OSBPL10: variants seen among roughly 807,000 people sequenced by gnomAD.
OSBPL10 encodes oxysterol-binding protein-related protein 10.
A neutral mutation model predicts 81.7 loss-of-function variants in OSBPL10; 49 were observed. The observed-to-expected ratio is 0.60, with a 90% CI of 0.48 to 0.76. The LOEUF (loss-of-function observed/expected upper bound fraction) is 0.76, where lower values mean the gene tolerates loss of function less well. Ranked by LOEUF, OSBPL10 falls within the 30% of genes least tolerant of loss-of-function variation. OSBPL10 has a pLI of 0.00. For synonymous variants in OSBPL10, 419 were observed against 383.6 expected, an observed-to-expected ratio of 1.09 and a Z score of -1.08; for missense variants, 923 against 987.8, an observed-to-expected ratio of 0.93 and a Z score of 0.88.
intron 3 of OSBPL10, among the ~76,000 whole-genome samples, chr3:31,845,931 A>G (rs1343337278): frequency 6.6e-6 from 1 of 152,252 alleles, no homozygotes; most frequent in African/African-American, 2.4e-5. Flanking sequence ...TGGTCAAGAC[A>G]TGGAGAAGAT....
chr3:31,711,740 T>C lies in OSBPL10; in HGVS notation c.1096-9232A>G, dbSNP rs570443574. 2.8e-4 allele frequency among the ~76,000 whole-genome samples: 42 copies of C among 152,234 alleles called. 1 individual carries two copies. In the South Asian group the frequency reaches 8.1e-3, roughly 29 times the overall value. On this transcript the variant is annotated intron_variant, in intron 6 of 11. Coordinates refer to ENST00000396556, the MANE Select transcript of OSBPL10 (RefSeq NM_017784.5). ...CAGCTAAAGGGTCCAGGGCTTGTTT[T>C]TGAGGTGATGAAAATGTTCTAAAAT...
chr3:31,858,365 C>CA (rs971595956), intron 3 of OSBPL10, among the ~76,000 whole-genome samples: 3 of 152,032 alleles, frequency 2.0e-5, no homozygotes, highest in African/African-American at 7.2e-5. Context: ...TGCAGAAGCT[C>CA]AGTTTTTTAT....
intron 1 of OSBPL10, among the ~76,000 whole-genome samples, chr3:31,933,000 A>C (rs1464104971): frequency 6.6e-6 from 1 of 152,210 alleles, no homozygotes; most frequent in Non-Finnish European, 1.5e-5. Flanking sequence ...TTAAAAATAA[A>C]GTTTTCTAAA....
chr3:31,693,094 G>A (rs573021224), intron 7 of OSBPL10, among the ~76,000 whole-genome samples: 1 of 152,324 alleles, frequency 6.6e-6, no homozygotes, highest in South Asian at 2.1e-4. Context: ...ACAGTATACT[G>A]AAAACCAGAT....
intron 6 of OSBPL10, chr3:31,707,385 G>A (rs769296585): frequency 6.6e-6 from 1 of 152,170 alleles, no homozygotes; most frequent in Non-Finnish European, 1.5e-5. Flanking sequence ...AAACCTATAT[G>A]GCAAGGACAG....
intron 1 of OSBPL10, among the ~76,000 whole-genome samples, chr3:31,913,798 G>A (rs1303106682): frequency 2.6e-5 from 4 of 152,250 alleles, no homozygotes; most frequent in Non-Finnish European, 5.9e-5. Context: ...TCTATGCCCC[G>A]ATTCTGTCAT....
intron 2 of OSBPL10, among the ~76,000 whole-genome samples, 153 bp from the exon 3 acceptor site, chr3:31,876,665 G>A (rs1052280713): frequency 1.3e-5 from 2 of 152,212 alleles, no homozygotes; most frequent in East Asian, 3.9e-4. Flanking sequence ...ACGTTCTCAA[G>A]CGGCCTGTAC....
At chr3:31,965,828 A>AATATATAATATATATTATC (rs1559535383) in intron 1 of OSBPL10, among the ~76,000 whole-genome samples, 1 of 82,394 alleles carries the variant, frequency 1.2e-5, no homozygotes, top group Non-Finnish European at 2.0e-5. Context: ...TATTATATAA[A>AATATATAATATATATTATC]TATATAATAT....
At chr3:31,734,939 A>G (rs995222852) in intron 5 of OSBPL10, among the ~76,000 whole-genome samples, 1 of 152,338 alleles carries the variant, frequency 6.6e-6, no homozygotes, top group East Asian at 1.9e-4. Flanking sequence ...AGAATTACTC[A>G]AAGAAAAGTC....
intron 4 of OSBPL10, among the ~76,000 whole-genome samples, chr3:31,808,716 T>C (rs1017959286): frequency 3.5e-4 from 54 of 152,238 alleles, no homozygotes; most frequent in Non-Finnish European, 6.3e-4. Context: ...ACTAAATTCA[T>C]CACATTATTC....
At chr3:32,011,548 A>G (rs1306780341) in intron 2 of OSBPL10, among the ~76,000 whole-genome samples, 4 of 152,246 alleles carry the variant, frequency 2.6e-5, no homozygotes, top group African/African-American at 9.6e-5. Flanking sequence ...CCTCCTCCAA[A>G]GGAATGCAGC....
At chr3:31,814,737 AC>A in intron 4 of OSBPL10, among the ~76,000 whole-genome samples, 1 of 152,300 alleles carries the variant, frequency 6.6e-6, no homozygotes, top group East Asian at 1.9e-4. Context: ...GGTTTAAGCC[AC>A]CCAGCTGTAG....
chr3:31,771,445 C>T (rs116070782), intron 4 of OSBPL10, among the ~76,000 whole-genome samples: 2,795 of 151,986 alleles, frequency 0.018, 77 homozygotes, highest in African/African-American at 0.062. Flanking sequence ...TTTGCCCAGG[C>T]CTTTCCTTGG....
chr3:31,752,557 G>A lies in OSBPL10; in HGVS notation c.730-4437C>T, dbSNP rs760935587. ...TCTTGCACTATAAACAATAACACAT[G>A]CGTTACAAAATCAAATCATAGGAGT... On this transcript the variant is annotated intron_variant, in intron 4 of 11. Transcript: ENST00000396556. Among the ~76,000 whole-genome samples the A allele has an allele frequency of 7.9e-5, 12 of 152,242 alleles. 1 individual carries two copies. Among genetic ancestry groups the A allele is most frequent in the South Asian group, 4.1e-4 (2 of 4,822 alleles).
At chr3:31,958,696 A>T (rs1698076509) in intron 1 of OSBPL10, among the ~76,000 whole-genome samples, 1 of 152,162 alleles carries the variant, frequency 6.6e-6, no homozygotes, top group Non-Finnish European at 1.5e-5. Context: ...TCTCTCTCTC[A>T]CACAAGAGCC....
At chr3:32,073,571 C>T (rs1323261551) in intron 1 of OSBPL10, among the ~76,000 whole-genome samples, 3 of 152,122 alleles carry the variant, frequency 2.0e-5, no homozygotes. Context: ...ACAGTAATGA[C>T]CCTTATGAGC....
chr3:31,989,672 G>A (rs576427985), intron 2 of OSBPL10: 3 of 1,614,002 alleles, frequency 1.9e-6, no homozygotes, highest in Admixed American at 1.7e-5. Context: ...ATTTCTTCTA[G>A]GCCCAAAATC....
chr3:31,753,537 C>G (rs1210355556), intron 4 of OSBPL10, among the ~76,000 whole-genome samples: 1 of 152,176 alleles, frequency 6.6e-6, no homozygotes, highest in African/African-American at 2.4e-5. Context: ...AGCTTACTGT[C>G]TGCCTTAACA....
intron 6 of OSBPL10, among the ~76,000 whole-genome samples, chr3:31,720,706 C>A (rs1234126612): frequency 6.6e-6 from 1 of 151,728 alleles, no homozygotes; most frequent in East Asian, 1.9e-4. Flanking sequence ...CGAGACCAGC[C>A]TGGGCAACAT....
Sources: gnomAD v4.1 joint callset for allele counts (sites outside exome capture counted in the v4.1 genomes callset) on GRCh38, gnomAD v4.1.1 for gene constraint, MANE v1.5 for transcripts, NCBI Gene and HGNC (gene_info 2026-07-23, HGNC 2026-07-21) for gene names.